NEK11: variants seen among roughly 807,000 people sequenced by gnomAD.
NEK11 encodes the protein serine/threonine-protein kinase Nek11.
A neutral mutation model predicts 80.7 loss-of-function variants in NEK11; 72 were observed. The observed-to-expected ratio is 0.89, with a 90% CI of 0.74 to 1.08. The LOEUF (loss-of-function observed/expected upper bound fraction) is 1.08. Among genes scored for constraint, NEK11 ranks in the 50% least tolerant of loss-of-function variants. The pLI, the probability that NEK11 is intolerant of heterozygous loss-of-function variation, is 0.00. For missense variants in NEK11, 764 were observed against 763.6 expected (o/e 1.00, Z -0.01); for synonymous variants, 251 against 260.7 (o/e 0.96, Z 0.36).
At chr3:131,278,960 A>T (rs76165297) in intron 17 of NEK11, among the ~76,000 whole-genome samples, 3,244 of 152,216 alleles carry the variant, frequency 0.021, 117 homozygotes, top group African/African-American at 0.073. Context: ...ATACACATTA[A>T]AGTTTGAGAC....
At chr3:131,197,069 T>C (rs112887187) in intron 14 of NEK11, among the ~76,000 whole-genome samples, 2,566 of 152,188 alleles carry the variant, frequency 0.017, 68 homozygotes, top group African/African-American at 0.059. Flanking sequence ...TGAGCTCTCT[T>C]TCCTACCTGA....
intron 6 of NEK11, chr3:131,133,246 T>C: frequency 2.2e-6 from 1 of 455,354 alleles, no homozygotes; most frequent in South Asian, 1.6e-5. Context: ...TAACCTTTAG[T>C]TCTTCAGAAC....
At chr3:131,039,178 T>G (rs1197542052) in intron 3 of NEK11, among the ~76,000 whole-genome samples, 1 of 152,000 alleles carries the variant, frequency 6.6e-6, no homozygotes, top group East Asian at 1.9e-4. Context: ...CCTTGTAGGT[T>G]TTTTTTCCTT....
chr3:131,135,554 C>G (rs1009574464), intron 7 of NEK11, among the ~76,000 whole-genome samples: 1 of 152,146 alleles, frequency 6.6e-6, no homozygotes, highest in African/African-American at 2.4e-5. Flanking sequence ...TCCTACCTAT[C>G]AAGAGAAATC....
chr3:131,327,731 C>T (rs1220753470), intron 17 of NEK11: 4 of 144,806 alleles, frequency 2.8e-5, no homozygotes, highest in African/African-American at 7.8e-5. Flanking sequence ...ATTCCAGGGC[C>T]TGGTGGTTAA....
intron 3 of NEK11, among the ~76,000 whole-genome samples, chr3:131,044,022 A>G (rs552225487): frequency 3.4e-4 from 52 of 152,326 alleles, no homozygotes; most frequent in Admixed American, 7.8e-4. Context: ...CTAAGCTTCA[A>G]AAATGAAGGA....
At position 131,135,671 on chromosome 3, in the gene NEK11, A is replaced by C. The variant is rs1298331270; in HGVS notation, c.647+1715A>C. On this transcript the variant is annotated intron_variant, in intron 7 of 17. Coordinates refer to ENST00000383366, the MANE Select transcript of NEK11 (RefSeq NM_024800.5). Reference sequence around the variant, plus strand: ...ATATATCTCTTTACATTTAATTTTAAAAATTAATATTATGGACATTTTAAA... The same window carrying C: ...ATATATCTCTTTACATTTAATTTTACAAATTAATATTATGGACATTTTAAA... Among the ~76,000 whole-genome samples the C allele has an allele frequency of 2.0e-5, 3 of 152,100 alleles. No individual in the cohort carries two copies. The East Asian group carries it at 5.8e-4, about 29-fold the overall frequency.
intron 14 of NEK11, among the ~76,000 whole-genome samples, chr3:131,172,033 C>G (rs976618550): frequency 6.6e-6 from 1 of 152,272 alleles, no homozygotes; most frequent in East Asian, 1.9e-4. Context: ...AAGTCTTATT[C>G]CAAGTGAAAA....
intron 17 of NEK11, among the ~76,000 whole-genome samples, chr3:131,320,892 G>A (rs1050808079): frequency 1.3e-5 from 2 of 151,938 alleles, no homozygotes; most frequent in Non-Finnish European, 2.9e-5. Context: ...CATGAATTGG[G>A]AGAATCAATA....
At chr3:131,324,752 A>G (rs908914665) in intron 17 of NEK11, among the ~76,000 whole-genome samples, 1 of 152,166 alleles carries the variant, frequency 6.6e-6, no homozygotes, top group Non-Finnish European at 1.5e-5. Context: ...TGGAGGCTCA[A>G]TGAAGGTATC....
At chr3:131,253,092 C>T (rs2095738943) in intron 16 of NEK11, among the ~76,000 whole-genome samples, 1 of 152,032 alleles carries the variant, frequency 6.6e-6, no homozygotes, top group South Asian at 2.1e-4. Context: ...CCACATCAGG[C>T]ATTTAGAGAG....
Position 131,168,866 on chromosome 3 carries a change from G to A in NEK11, c.1213G>A (p.Glu405Lys). Residue 405 changes from glutamate (E) to lysine (K), a missense_variant, in exon 13 of 18, where the codon GAG (glutamate) becomes AAG (lysine). Transcript: ENST00000383366. ...THLKGMEEKE[E>K]QPEGRLSCSP... ...TTTAAAAGGAATGGAAGAAAAGGAG[G>A]AGCAACCTGAGGGAAGACTTTCTTG... 1 of 1,613,980 alleles carries A rather than the reference G, an allele frequency of 6.2e-7. No individual in the cohort carries two copies. Among genetic ancestry groups the A allele is most frequent in the South Asian group, 1.1e-5 (1 of 91,034 alleles).
chr3:131,304,280 A>G (rs553744487), intron 17 of NEK11, among the ~76,000 whole-genome samples: 13 of 152,294 alleles, frequency 8.5e-5, no homozygotes, highest in African/African-American at 3.1e-4. Flanking sequence ...CTTTCTTAAA[A>G]TGGCCATTTC....
intron 4 of NEK11, among the ~76,000 whole-genome samples, chr3:131,098,325 A>G (rs1229403947): frequency 6.6e-6 from 1 of 152,236 alleles, no homozygotes; most frequent in African/African-American, 2.4e-5. Flanking sequence ...TGAACTAAAG[A>G]GTTTCTGCAC....
At chr3:131,268,085 C>G (rs546864721) in intron 16 of NEK11, among the ~76,000 whole-genome samples, 1 of 152,254 alleles carries the variant, frequency 6.6e-6, no homozygotes, top group East Asian at 1.9e-4. Context: ...GTGTATGTTT[C>G]ACAAAGTTCT....
chr3:131,218,234 G>A lies in NEK11; in HGVS notation c.1400-10294G>A, dbSNP rs533818469. ...AGCCTGAGATGGGTATCTGGTGCAT[G>A]TATCTTATTGTGGAGAGCTCTAAGG... On this transcript the variant is annotated intron_variant, in intron 14 of 17. Transcript: ENST00000383366. 3.3e-5 allele frequency among the ~76,000 whole-genome samples: 5 copies of A among 152,302 alleles called. No homozygotes were observed. The South Asian group carries it at 1.0e-3, about 32-fold the overall frequency.
chr3:131,218,731 A>G (rs1174556936), intron 14 of NEK11, among the ~76,000 whole-genome samples: 2 of 152,222 alleles, frequency 1.3e-5, no homozygotes, highest in Non-Finnish European at 2.9e-5. Flanking sequence ...TAGGCTTTTC[A>G]ATGATCGCCA....
chr3:131,171,929 T>G (rs890267977), intron 14 of NEK11, among the ~76,000 whole-genome samples: 1 of 152,208 alleles, frequency 6.6e-6, no homozygotes, highest in Non-Finnish European at 1.5e-5. Context: ...AAGACTAGAC[T>G]ACAATTGCAA....
intron 11 of NEK11, 184 bp from the exon 12 acceptor site, chr3:131,165,242 T>C (rs1174532195): frequency 1.8e-6 from 1 of 555,630 alleles, no homozygotes; most frequent in African/African-American, 1.9e-5. Context: ...GTATCTTGTG[T>C]GTGCTTTAAA....
Sources: gnomAD v4.1 joint callset for allele counts (sites outside exome capture counted in the v4.1 genomes callset) on GRCh38, gnomAD v4.1.1 for gene constraint, MANE v1.5 for transcripts, NCBI Gene and HGNC (gene_info 2026-07-23, HGNC 2026-07-21) for gene names.